The following ARB2A variants were observed in gnomAD, a reference collection of about 807,000 sequenced individuals.
ARB2A encodes the protein cotranscriptional regulator ARB2A.
chr5:93,711,186 T>C, the ARB2A span, among the ~76,000 whole-genome samples: 1 of 150,918 alleles, frequency 6.6e-6, no homozygotes, highest in South Asian at 2.1e-4. Context: ...TTGATCCAAC[T>C]GGTTCTATTT....
chr5:93,728,531 TG>T, the ARB2A span, among the ~76,000 whole-genome samples: 1 of 152,062 alleles, frequency 6.6e-6, no homozygotes, highest in African/African-American at 2.4e-5. Context: ...TTAAAGAAAC[TG>T]ATTAACAGTT....
At chr5:93,772,475 T>A in the ARB2A span, among the ~76,000 whole-genome samples, 5 of 151,860 alleles carry the variant, frequency 3.3e-5, no homozygotes, top group Admixed American at 2.6e-4. Flanking sequence ...AATAAAAAAA[T>A]TTAAAAAAAA....
the ARB2A span, among the ~76,000 whole-genome samples, chr5:93,927,039 G>GA: frequency 0.017 from 2,104 of 125,498 alleles, 16 homozygotes; most frequent in South Asian, 0.034. Context: ...GAATGTGCCA[G>GA]AAAAAAAAAA....
chr5:93,641,036 C>A, the ARB2A span, among the ~76,000 whole-genome samples: 1 of 151,826 alleles, frequency 6.6e-6, no homozygotes, highest in Non-Finnish European at 1.5e-5. Flanking sequence ...CCCATCTCTA[C>A]TAAAAATACA....
the ARB2A span, among the ~76,000 whole-genome samples, chr5:93,889,790 A>C: frequency 7.0e-6 from 1 of 142,984 alleles, no homozygotes; most frequent in Non-Finnish European, 1.5e-5. Context: ...TAAGGTTTTT[A>C]CATTATAATA....
the ARB2A span, among the ~76,000 whole-genome samples, chr5:93,904,998 C>A: frequency 6.6e-6 from 1 of 151,668 alleles, no homozygotes; most frequent in Non-Finnish European, 1.5e-5. Context: ...CAGTATTTGT[C>A]TCCTCAATTC....
chr5:93,853,761 A>T, the ARB2A span, among the ~76,000 whole-genome samples: 2 of 152,102 alleles, frequency 1.3e-5, no homozygotes, highest in African/African-American at 2.4e-5. Flanking sequence ...GGATTACATA[A>T]ATTGATTTGC....
the ARB2A span, among the ~76,000 whole-genome samples, chr5:93,971,394 C>G: frequency 6.6e-6 from 1 of 151,832 alleles, no homozygotes; most frequent in African/African-American, 2.4e-5. Flanking sequence ...GTGGCAAAAC[C>G]CTGTCTCTAC....
the ARB2A span, among the ~76,000 whole-genome samples, chr5:94,075,478 G>C: frequency 6.6e-6 from 1 of 151,648 alleles, no homozygotes; most frequent in African/African-American, 2.4e-5. Flanking sequence ...CTTTTCCCAG[G>C]GTCCCCATGA....
the ARB2A span, among the ~76,000 whole-genome samples, chr5:93,803,621 A>T: frequency 6.6e-6 from 1 of 151,732 alleles, no homozygotes; most frequent in South Asian, 2.1e-4. Context: ...ACTAGGCTTA[A>T]GACCTTGTGA....
chr5:93,737,777 T>A, the ARB2A span: 323 of 337,412 alleles, frequency 9.6e-4, 1 homozygote, highest in South Asian at 2.1e-3. Context: ...GAAAACTGGC[T>A]ATCCACATGC....
At chr5:93,917,895 G>A in the ARB2A span, among the ~76,000 whole-genome samples, 1 of 152,020 alleles carries the variant, frequency 6.6e-6, no homozygotes, top group Non-Finnish European at 1.5e-5. Flanking sequence ...AAACAAAACA[G>A]TGGTTCTTTC....
At chr5:93,665,279 T>G in the ARB2A span, among the ~76,000 whole-genome samples, 28 of 152,336 alleles carry the variant, frequency 1.8e-4, no homozygotes, top group Admixed American at 5.2e-4. Context: ...AATGAGTCTG[T>G]GTTAAATGAT....
the ARB2A span, among the ~76,000 whole-genome samples, chr5:93,794,764 C>T: frequency 2.5e-4 from 7 of 27,776 alleles, no homozygotes; most frequent in South Asian, 0.019. Flanking sequence ...GTGATGTGAT[C>T]CATCTTCAGG....
the ARB2A span, among the ~76,000 whole-genome samples, chr5:93,762,381 G>C: frequency 6.6e-6 from 1 of 152,160 alleles, no homozygotes; most frequent in Non-Finnish European, 1.5e-5. Flanking sequence ...TGAAAACCAA[G>C]GCATGAGAAC....
At chr5:94,045,140 C>T in the ARB2A span, among the ~76,000 whole-genome samples, 1 of 137,256 alleles carries the variant, frequency 7.3e-6, no homozygotes, top group African/African-American at 2.7e-5. Flanking sequence ...AAAAAAACAA[C>T]AACCAAAATA....
chr5:93,899,963 C>A, the ARB2A span, among the ~76,000 whole-genome samples: 14 of 152,126 alleles, frequency 9.2e-5, no homozygotes, highest in African/African-American at 2.9e-4. Flanking sequence ...AGAAAGAAAC[C>A]ATTCAAGTGA....
At chr5:93,662,852 T>G in the ARB2A span, among the ~76,000 whole-genome samples, 1 of 152,196 alleles carries the variant, frequency 6.6e-6, no homozygotes, top group African/African-American at 2.4e-5. Context: ...ACTGAGTAAT[T>G]TGAAAAGAAC....
the ARB2A span, among the ~76,000 whole-genome samples, chr5:93,931,636 G>T: frequency 4.6e-5 from 7 of 151,364 alleles, no homozygotes; most frequent in Non-Finnish European, 8.8e-5. Flanking sequence ...TTTTATTTAA[G>T]TATTACACAC....
Sources: gnomAD v4.1 joint callset for allele counts (sites outside exome capture counted in the v4.1 genomes callset) on GRCh38, gnomAD v4.1.1 for gene constraint, MANE v1.5 for transcripts, NCBI Gene and HGNC (gene_info 2026-07-23, HGNC 2026-07-21) for gene names.